Variants in FAM124A observed in about 807,000 individuals in gnomAD.
FAM124A encodes the protein family with sequence similarity 124 member A, also known as protein FAM124A.
Under a neutral mutation model 24.5 loss-of-function variants are expected in FAM124A, and 23 were observed. That is an observed-to-expected ratio of 0.94 (90% CI 0.68 to 1.33). The LOEUF is 1.33. FAM124A is among the 40% of genes most tolerant of loss of function. FAM124A has a pLI of 0.00. For missense variants in FAM124A, 623 were observed against 722.8 expected (o/e 0.86, Z 1.58); for synonymous variants, 287 against 314.7 (o/e 0.91, Z 0.93).
chr13:51,243,426 C>T (rs1954522244), intron 2 of FAM124A, among the ~76,000 whole-genome samples: 1 of 152,190 alleles, frequency 6.6e-6, no homozygotes, highest in Non-Finnish European at 1.5e-5. Context: ...TTCTGGCGTT[C>T]TGGGGAATGC....
At chr13:51,242,875 G>A (rs183300330) in intron 2 of FAM124A, among the ~76,000 whole-genome samples, 234 of 152,230 alleles carry the variant, frequency 1.5e-3, no homozygotes, top group African/African-American at 5.2e-3. Flanking sequence ...GAGGGCGGTC[G>A]AATAACTGTT....
intron 3 of FAM124A, among the ~76,000 whole-genome samples, chr13:51,256,155 TGG>T (rs540791710): frequency 4.6e-5 from 7 of 152,140 alleles, no homozygotes; most frequent in African/African-American, 1.7e-4. Flanking sequence ...AGAAGTGACT[TGG>T]GGTCCCCTAA....
chr13:51,240,734 C>CA (rs1954481692), intron 2 of FAM124A, among the ~76,000 whole-genome samples: 1 of 152,206 alleles, frequency 6.6e-6, no homozygotes, highest in South Asian at 2.1e-4. Flanking sequence ...GACATAAAAG[C>CA]AGTACTGCTT....
In FAM124A at chr13:51,251,779, G is replaced by A; in HGVS notation, c.412G>A (p.Gly138Ser). 6.3e-7 allele frequency: 1 copy of A among 1,588,436 alleles called. No homozygotes were observed. The highest frequency in any genetic ancestry group is 8.6e-7 in the Non-Finnish European group (1 of 1,168,124). The change falls in exon 3 of 4, where the codon GGC (glycine) becomes AGC (serine). Residue 138 changes from glycine to serine, a missense_variant. By Grantham distance (56) the Gly-to-Ser change is moderately conservative. Transcript: ENST00000322475. The surrounding 1 kb of genome is among the most constrained non-coding windows in gnomAD (Gnocchi z 5.3). ...CCACCACCACACCGAGCAGGTGCACGGCCGGTTCCTGCCCTACCTGCCCTG... is the reference window on the plus strand; with the variant it reads ...CCACCACCACACCGAGCAGGTGCACAGCCGGTTCCTGCCCTACCTGCCCTG... ...WRHHHTEQVH[G>S]RFLPYLPCSQ...
At chr13:51,278,448 C>A (rs1013739937) in intron 3 of FAM124A, among the ~76,000 whole-genome samples, 9 of 152,170 alleles carry the variant, frequency 5.9e-5, no homozygotes, top group Non-Finnish European at 8.8e-5. Flanking sequence ...TAGAAACTGA[C>A]CCCTCTGCCA....
At chr13:51,261,482 G>A (rs1442764553) in intron 3 of FAM124A, among the ~76,000 whole-genome samples, 3 of 152,284 alleles carry the variant, frequency 2.0e-5, no homozygotes, top group African/African-American at 4.8e-5. Context: ...ATATTCCGGC[G>A]GCAGGTATAA....
At chr13:51,241,982 T>C (rs1954500636) in intron 2 of FAM124A, among the ~76,000 whole-genome samples, 1 of 152,378 alleles carries the variant, frequency 6.6e-6, no homozygotes. Context: ...AATATAATTG[T>C]AAGGATTCCT....
At chr13:51,249,339 C>T (rs1433461367) in intron 2 of FAM124A, among the ~76,000 whole-genome samples, 1 of 152,078 alleles carries the variant, frequency 6.6e-6, no homozygotes, top group African/African-American at 2.4e-5. Flanking sequence ...GCTCAGCCAG[C>T]AGGAAGGAAA....
At chr13:51,253,950 C>G (rs1037722595) in intron 3 of FAM124A, among the ~76,000 whole-genome samples, 3 of 152,286 alleles carry the variant, frequency 2.0e-5, no homozygotes, top group South Asian at 2.1e-4. Context: ...TACCTCTCCC[C>G]CCAAGATTCT....
chr13:51,252,295 C>T (rs1954633825), intron 3 of FAM124A, 94 bp downstream of exon 3: 1 of 1,485,232 alleles, frequency 6.7e-7, no homozygotes, highest in Admixed American at 2.1e-5. Flanking sequence ...GAGCAATGAT[C>T]AAGGAAGGAG....
intron 2 of FAM124A, among the ~76,000 whole-genome samples, chr13:51,246,401 G>GA (rs1466701177): frequency 8.2e-6 from 1 of 122,474 alleles, no homozygotes; most frequent in Non-Finnish European, 1.8e-5. Flanking sequence ...GTTTCTCGTG[G>GA]GGTGGGGGGG....
chr13:51,276,535 G>A (rs932111570), intron 3 of FAM124A, among the ~76,000 whole-genome samples: 1 of 152,190 alleles, frequency 6.6e-6, no homozygotes, highest in Non-Finnish European at 1.5e-5. Flanking sequence ...TACAAAACGT[G>A]TACGGGCTTT....
rs111861467 is a variant in FAM124A at position 51,226,061 on chromosome 13, T to C, written c.68+3492T>C. ...AGGCTGGAGTGCATTGGTGGAATCA[T>C]GGCTCACTGCAACCTCAAATTCCAA... On this transcript the variant is annotated intron_variant, in intron 1 of 3. Coordinates refer to ENST00000322475, the MANE Select transcript of FAM124A (RefSeq NM_001242312.2). 5.6e-3 allele frequency among the ~76,000 whole-genome samples: 770 copies of C among 136,300 alleles called. 4 individuals carry two copies. The highest frequency in any genetic ancestry group is 0.018 in the African/African-American group (665 of 35,968). The allele number at this position is 136,300 out of a possible 152,430, so 89.4% of individuals were successfully genotyped here.
At chr13:51,245,317 T>C in intron 2 of FAM124A, 1 of 682,884 alleles carries the variant, frequency 1.5e-6, no homozygotes, top group Non-Finnish European at 2.7e-6. Context: ...TGCAGATGGA[T>C]TCTCCACCTG....
chr13:51,231,470 T>G (rs1279702001), intron 2 of FAM124A, 91 bp downstream of exon 2: 2 of 1,341,676 alleles, frequency 1.5e-6, no homozygotes, highest in African/African-American at 3.0e-5. Flanking sequence ...GGTTTTATAG[T>G]AGGTAAGAAT....
At chr13:51,271,764 T>TA (rs1306396160) in intron 3 of FAM124A, among the ~76,000 whole-genome samples, 15 of 152,280 alleles carry the variant, frequency 9.9e-5, no homozygotes, top group African/African-American at 3.6e-4. Flanking sequence ...TCCTGGCAAA[T>TA]ACGTGTGTTC....
intron 3 of FAM124A, among the ~76,000 whole-genome samples, chr13:51,267,902 A>G (rs1954804557): frequency 6.6e-6 from 1 of 152,202 alleles, no homozygotes; most frequent in Non-Finnish European, 1.5e-5. Flanking sequence ...GTGTGTCAAG[A>G]CTATCTGTGC....
At chr13:51,236,556 T>C (rs912549767) in intron 2 of FAM124A, among the ~76,000 whole-genome samples, 1 of 152,246 alleles carries the variant, frequency 6.6e-6, no homozygotes, top group Non-Finnish European at 1.5e-5. Context: ...ATGTAGGAGC[T>C]TTGAAAGCAA....
At chr13:51,235,985 T>G (rs1309256765) in intron 2 of FAM124A, among the ~76,000 whole-genome samples, 1 of 152,218 alleles carries the variant, frequency 6.6e-6, no homozygotes, top group Non-Finnish European at 1.5e-5. Flanking sequence ...CTCAGATTCC[T>G]GCCCTCTTCC....
Sources: allele counts gnomAD v4.1 joint callset (sites outside exome capture counted in the v4.1 genomes callset), GRCh38; gene constraint gnomAD v4.1.1; non-coding constraint Gnocchi (gnomAD v3.1); transcripts MANE v1.5; gene names NCBI Gene and HGNC (gene_info 2026-07-23, HGNC 2026-07-21).